ZSWIM5: variants seen among roughly 807,000 people sequenced by gnomAD.
ZSWIM5 encodes zinc finger SWIM domain-containing protein 5.
In ZSWIM5, 55 loss-of-function variants were observed where a neutral mutation model predicts 119.6. The ratio of observed to expected loss-of-function variants is 0.46; its 90% confidence interval spans 0.37 to 0.58. The LOEUF is 0.58. Among genes scored for constraint, ZSWIM5 ranks in the 20% least tolerant of loss-of-function variants. The pLI is 0.00. For missense variants in ZSWIM5, 1,193 were observed against 1,512.8 expected (o/e 0.79, Z 3.51); for synonymous variants, 537 against 606.9 (o/e 0.88, Z 1.69).
At position 45,036,313 on chromosome 1, in the gene ZSWIM5, G is replaced by A; in HGVS notation, c.1895-14C>T. Reference sequence around the variant, plus strand: ...TTTCATTCATATCTGAGGGCAACAGGGCACCAAATTCTTTAGGTTAGGCTT... The same window carrying A: ...TTTCATTCATATCTGAGGGCAACAGAGCACCAAATTCTTTAGGTTAGGCTT... On this transcript the variant is annotated splice_polypyrimidine_tract_variant and intron_variant, in intron 8 of 13. Coordinates refer to ENST00000359600, the MANE Select transcript of ZSWIM5 (RefSeq NM_020883.2). 1.2e-6 allele frequency: 2 copies of A among 1,604,648 alleles called. No homozygotes were observed. The highest frequency in any genetic ancestry group is 1.7e-6 in the Non-Finnish European group (2 of 1,175,460).
chr1:45,190,927 A>ATTTTTTTTTTTTTTTTTTTTTTTT (rs746764436), intron 1 of ZSWIM5, among the ~76,000 whole-genome samples: 1 of 49,006 alleles, frequency 2.0e-5, no homozygotes, highest in Non-Finnish European at 3.5e-5. Flanking sequence ...AATAGCTGGA[A>ATTTTTTTTTTTTTTTTTTTTTTTT]TTTTTTTTTT....
intron 1 of ZSWIM5, among the ~76,000 whole-genome samples, chr1:45,097,965 G>T (rs916535396): frequency 1.4e-4 from 22 of 152,174 alleles, no homozygotes; most frequent in African/African-American, 5.3e-4. Flanking sequence ...GGACAGAAGT[G>T]GTAAGGGATG....
At chr1:45,199,713 A>G (rs1646147998) in intron 1 of ZSWIM5, among the ~76,000 whole-genome samples, 1 of 152,318 alleles carries the variant, frequency 6.6e-6, no homozygotes, top group East Asian at 1.9e-4. Flanking sequence ...TTTCAAAAAC[A>G]GGCTTCAGAA....
chr1:45,094,096 G>A (rs1645384863), intron 1 of ZSWIM5, among the ~76,000 whole-genome samples: 4 of 148,816 alleles, frequency 2.7e-5, no homozygotes, highest in South Asian at 2.2e-4. Context: ...TTACCCTGTC[G>A]CCAGGCTGGA....
chr1:45,093,001 T>C (rs1430560479), intron 1 of ZSWIM5, among the ~76,000 whole-genome samples: 1 of 152,220 alleles, frequency 6.6e-6, no homozygotes, highest in Non-Finnish European at 1.5e-5. Flanking sequence ...AAAATTTTGA[T>C]TACTATTACT....
intron 1 of ZSWIM5, among the ~76,000 whole-genome samples, chr1:45,136,053 GT>G (rs1464818440): frequency 6.6e-6 from 1 of 152,072 alleles, no homozygotes; most frequent in East Asian, 1.9e-4. Context: ...TAGCGATGGA[GT>G]TTCGCCATGT....
At position 45,020,640 on chromosome 1, in the gene ZSWIM5, C is replaced by T. The variant is rs762545933; in HGVS notation, c.2598G>A (p.Leu866=). 6.2e-7 allele frequency: 1 copy of T among 1,613,802 alleles called. No homozygotes were observed. The highest frequency in any genetic ancestry group is 1.1e-5 in the South Asian group (1 of 91,048). Residue 866 remains leucine, a synonymous_variant, in exon 12 of 14, where the codon CTG becomes CTA. Coordinates refer to ENST00000359600, the MANE Select transcript of ZSWIM5 (RefSeq NM_020883.2). The part of the protein sequence containing the change: ...STDSTLLNVA[L]ELGLQVMRMT... ...TCCTCCATACCTGTAACCCAAGTTC[C>T]AGGGCAACGTTGAGCAGGGTGCTGT...
At chr1:45,142,851 T>TA (rs540430672) in intron 1 of ZSWIM5, among the ~76,000 whole-genome samples, 4,044 of 147,042 alleles carry the variant, frequency 0.028, 95 homozygotes, top group Non-Finnish European at 0.035. Context: ...CAACAGTATT[T>TA]AAAAAAAAAA....
chr1:45,022,651 G>C (rs1644895225), intron 11 of ZSWIM5, among the ~76,000 whole-genome samples: 1 of 152,176 alleles, frequency 6.6e-6, no homozygotes, highest in Admixed American at 6.5e-5. Flanking sequence ...AAATTGATCA[G>C]ATAGTACAGA....
At chr1:45,204,466 T>C (rs753279730) in intron 1 of ZSWIM5, among the ~76,000 whole-genome samples, 1 of 152,182 alleles carries the variant, frequency 6.6e-6, no homozygotes, top group Non-Finnish European at 1.5e-5. Context: ...CCACTGTCAC[T>C]ATATTCTGGC....
At chr1:45,075,252 ATGTTTCTT>A (rs1277529856) in intron 2 of ZSWIM5, among the ~76,000 whole-genome samples, 2 of 151,916 alleles carry the variant, frequency 1.3e-5, no homozygotes, top group Admixed American at 6.5e-5. Context: ...ATTAAATCCA[ATGTTTCTT>A]TGTTGATTTT....
intron 1 of ZSWIM5, among the ~76,000 whole-genome samples, chr1:45,196,982 A>G (rs576268349): frequency 9.9e-5 from 15 of 152,206 alleles, no homozygotes; most frequent in African/African-American, 3.6e-4. Flanking sequence ...GAGAACCCAC[A>G]CCTCTGCTTA....
At chr1:45,136,057 C>T (rs1218216943) in intron 1 of ZSWIM5, among the ~76,000 whole-genome samples, 1 of 152,096 alleles carries the variant, frequency 6.6e-6, no homozygotes, top group Non-Finnish European at 1.5e-5. Context: ...GATGGAGTTT[C>T]GCCATGTTGC....
intron 8 of ZSWIM5, among the ~76,000 whole-genome samples, chr1:45,036,710 T>C (rs1027466595): frequency 6.6e-6 from 1 of 152,074 alleles, no homozygotes; most frequent in Non-Finnish European, 1.5e-5. Context: ...ACAGCTATCA[T>C]AGGGAAGCTG....
chr1:45,029,442 A>G (rs995818057), intron 11 of ZSWIM5, among the ~76,000 whole-genome samples: 4 of 152,194 alleles, frequency 2.6e-5, no homozygotes, highest in African/African-American at 7.2e-5. Flanking sequence ...ATTGTTTCCT[A>G]TCAGGTAATC....
chr1:45,157,884 G>A (rs914532371), intron 1 of ZSWIM5, among the ~76,000 whole-genome samples: 3 of 151,962 alleles, frequency 2.0e-5, no homozygotes, highest in African/African-American at 7.3e-5. Flanking sequence ...GTATTATCTC[G>A]TTGTGGTTTT....
intron 1 of ZSWIM5, among the ~76,000 whole-genome samples, chr1:45,115,510 C>T (rs566199734): frequency 2.0e-5 from 3 of 149,702 alleles, no homozygotes; most frequent in South Asian, 4.3e-4. Context: ...GGGTCGCGGC[C>T]GGGCAGAGGC....
chr1:45,152,623 A>T (rs1377626951), intron 1 of ZSWIM5, among the ~76,000 whole-genome samples: 1 of 152,168 alleles, frequency 6.6e-6, no homozygotes, highest in Non-Finnish European at 1.5e-5. Context: ...AAAGATTTAA[A>T]TATAACATCT....
chr1:45,198,965 C>G (rs1414489676), intron 1 of ZSWIM5, among the ~76,000 whole-genome samples: 1 of 152,118 alleles, frequency 6.6e-6, no homozygotes, highest in South Asian at 2.1e-4. Context: ...CAGGTAAATA[C>G]CTAAGAGTAG....
Sources: gnomAD v4.1 joint callset for allele counts (sites outside exome capture counted in the v4.1 genomes callset) on GRCh38, gnomAD v4.1.1 for gene constraint, MANE v1.5 for transcripts, NCBI Gene and HGNC (gene_info 2026-07-23, HGNC 2026-07-21) for gene names.